Variants in MPI observed in about 807,000 individuals in gnomAD.
The protein encoded by MPI is mannose-6-phosphate isomerase.
A neutral mutation model predicts 40.1 loss-of-function variants in MPI; 33 were observed. The ratio of observed to expected loss-of-function variants is 0.82; its 90% confidence interval spans 0.62 to 1.10. The LOEUF (loss-of-function observed/expected upper bound fraction) is 1.10, where lower values mean the gene tolerates loss of function less well. Ranked by LOEUF, MPI falls within the 50% of genes least tolerant of loss-of-function variation. The pLI is 0.00. For missense variants in MPI, 514 were observed against 524.1 expected, an observed-to-expected ratio of 0.98 and a Z score of 0.19; for synonymous variants, 187 against 207.4, an observed-to-expected ratio of 0.90 and a Z score of 0.85.
rs1407628616 is a variant in MPI at position 74,898,465 on chromosome 15, G to A, written c.*735G>A. On this transcript the variant is annotated 3_prime_UTR_variant, in exon 8 of 8. Coordinates refer to ENST00000352410, the MANE Select transcript of MPI (RefSeq NM_002435.3). ...TTGGGTCTGCCCAGAGGCACAGCTT[G>A]CAAGCAGCCCTACAGAGAAGGTGAC... The A allele has an allele frequency of 6.2e-6, 1 of 160,038 alleles. No individual in the cohort carries two copies. The highest frequency in any genetic ancestry group is 1.4e-5 in the Non-Finnish European group (1 of 71,912). The allele number at this position is 160,038 out of a possible 1,614,324, so 9.9% of individuals were successfully genotyped here. A position where few individuals can be genotyped will look rare whatever the true frequency, so the allele number is the denominator to read the frequency against.
chr15:74,894,078 G>GTTTTC (rs2064772474), intron 5 of MPI, among the ~76,000 whole-genome samples: 1 of 61,002 alleles, frequency 1.6e-5, no homozygotes, highest in African/African-American at 6.7e-5. Flanking sequence ...GTGTGTGTGT[G>GTTTTC]TGTGTGTGTG....
chr15:74,893,231 T>C lies in MPI; in HGVS notation c.581T>C (p.Leu194Pro). Reference sequence around the variant, plus strand: ...GACTCCCAGGCTGTGGCCTCCTCTCTGCAGAGCTGTTTCTCCCACCTGATG... The same window carrying C: ...GACTCCCAGGCTGTGGCCTCCTCTCCGCAGAGCTGTTTCTCCCACCTGATG... ...SHDSQAVASSLQSCFSHLMKS... is the reference protein window; with the variant it reads ...SHDSQAVASSPQSCFSHLMKS... The change falls in exon 5 of 8, where the codon CTG becomes CCG. Residue 194 changes from leucine to proline, a missense_variant. By Grantham distance (98) the Leu-to-Pro change is moderately conservative. Coordinates refer to ENST00000352410, the MANE Select transcript of MPI (RefSeq NM_002435.3). 6.2e-7 allele frequency: 1 copy of C among 1,614,204 alleles called. No homozygotes were observed. Among genetic ancestry groups the C allele is most frequent in the African/African-American group, 1.3e-5 (1 of 75,054 alleles).
chr15:74,897,603 C>G lies in MPI; in HGVS notation c.1145C>G (p.Pro382Arg). ...CAGGGGACAGTAATAGCCAGCACAC[C>G]CACAACCCAGACACCAATCCCTCTG... Reference protein sequence around the residue: ...MVQGTVIASTPTTQTPIPLQR... With the variant: ...MVQGTVIASTRTTQTPIPLQR... The change falls in exon 8 of 8, where the codon CCC (proline) becomes CGC (arginine). Residue 382 changes from proline to arginine, a missense_variant. Coordinates refer to ENST00000352410, the MANE Select transcript of MPI (RefSeq NM_002435.3). 2 of 1,614,198 alleles carry G rather than the reference C, an allele frequency of 1.2e-6. No individual in the cohort carries two copies. The highest frequency in any genetic ancestry group is 2.2e-5 in the South Asian group (2 of 91,084).
chr15:74,898,064 G>A lies in MPI; in HGVS notation c.*334G>A, dbSNP rs926502459. On this transcript the variant is annotated 3_prime_UTR_variant, in exon 8 of 8. Transcript: ENST00000352410. ...AAATATGTGACCCAGCATTAGCTCAGCATCTGTCAGAGCAAGAGACCAGGT... is the reference window on the plus strand; with the variant it reads ...AAATATGTGACCCAGCATTAGCTCAACATCTGTCAGAGCAAGAGACCAGGT... The A allele has an allele frequency of 8.7e-5, 35 of 402,586 alleles. No homozygotes were observed. The highest frequency in any genetic ancestry group is 7.9e-4 in the Middle Eastern group (1 of 1,262). 24.9% of individuals were successfully genotyped at this position (402,586 alleles called of 1,614,324 possible).
At chr15:74,897,254 G>A in intron 7 of MPI, 35 bp downstream of exon 7, 1 of 1,605,786 alleles carries the variant, frequency 6.2e-7, no homozygotes, top group African/African-American at 1.3e-5. Flanking sequence ...TCCTTCGTGT[G>A]CCATGAAAAT....
At chr15:74,892,197 TTGGCCAGGCTGGTCTTGAACTCC>T (rs1309473358) in intron 3 of MPI, among the ~76,000 whole-genome samples, 2 of 152,184 alleles carry the variant, frequency 1.3e-5, no homozygotes, top group African/African-American at 4.8e-5. Context: ...TTTCACCATG[TTGGCCAGGCTGGTCTTGAACTCC>T]TGCCCTCGTA....
chr15:74,896,159 C>T lies in MPI; in HGVS notation c.678C>T (p.Ala226=), dbSNP rs199972529. 6.2e-6 allele frequency: 10 copies of T among 1,613,888 alleles called. No homozygotes were observed. Among genetic ancestry groups the T allele is most frequent in the South Asian group, 4.4e-5 (4 of 91,072 alleles). ...GTGCTCTGTGACCCTCAGCGGCTGCCGGAAACAACATGGAGGACATCTTTG... is the reference window on the plus strand; with the variant it reads ...GTGCTCTGTGACCCTCAGCGGCTGCTGGAAACAACATGGAGGACATCTTTG... ...LVKRISQQAA[A]GNNMEDIFGE... is the part of the protein sequence containing the mutation. The change falls in exon 6 of 8, where the codon GCC becomes GCT. Residue 226 remains alanine, a synonymous_variant. Transcript: ENST00000352410.
chr15:74,897,244 T>C, intron 7 of MPI, 25 bp downstream of exon 7: 1 of 1,608,174 alleles, frequency 6.2e-7, no homozygotes. Context: ...ATGATGGGTG[T>C]CCTTCGTGTG....
rs2064860748 is a variant in MPI at position 74,898,655 on chromosome 15, AG to A, written c.*926del. 6.6e-6 allele frequency: 1 copy of A among 151,796 alleles called. No individual in the cohort carries two copies. The highest frequency in any genetic ancestry group is 2.1e-4 in the South Asian group (1 of 4,824). 9.4% of individuals were successfully genotyped at this position (151,796 alleles called of 1,614,324 possible). On this transcript the variant is annotated 3_prime_UTR_variant, in exon 8 of 8. Transcript: ENST00000352410. ...CGGGTTCACGCCACTCTTCTGCCTC[AG>A]CCTCCCAAGTAGCTGGGACCACAGG... is the stretch of plus-strand genomic sequence containing the variant.
intron 5 of MPI, among the ~76,000 whole-genome samples, chr15:74,894,375 C>T (rs1028465562): frequency 2.6e-5 from 4 of 151,598 alleles, no homozygotes; most frequent in Non-Finnish European, 2.9e-5. Flanking sequence ...TGAGCCACCA[C>T]GCCAGGCCCC....
rs566791375 is a variant in MPI, at chr15:74,893,488, G to T, written c.670+168G>T. 349 of 737,114 alleles carry T rather than the reference G, an allele frequency of 4.7e-4. 5 individuals carry two copies. The highest frequency in any genetic ancestry group is 3.6e-3 in the South Asian group (247 of 67,826). 45.7% of individuals were successfully genotyped at this position (737,114 alleles called of 1,614,324 possible). ...TAGCATTGCTTGCCTAGTCTTTGTG[G>T]AGCAGGGCCCTTCTTAGTTGAGTGC... On this transcript the variant is annotated intron_variant, in intron 5 of 7. Transcript: ENST00000352410.
rs1044350502 is a variant in MPI, at chr15:74,900,470, CA to C, written c.*2742del. The C allele has an allele frequency of 2.0e-5, 3 of 152,338 alleles. No homozygotes were observed. The highest frequency in any genetic ancestry group is 2.0e-4 in the Admixed American group (3 of 15,286). 9.4% of individuals were successfully genotyped at this position (152,338 alleles called of 1,614,324 possible). A position where few individuals can be genotyped will look rare whatever the true frequency, so the allele number is the denominator to read the frequency against. ...GGCCATTCTGCCCTGACCACCTCCC[CA>C]ACAGAGATGTAGGTCTATACTTACC... On this transcript the variant is annotated 3_prime_UTR_variant, in exon 8 of 8. Transcript: ENST00000352410.
rs1032888820 is a variant in MPI at position 74,898,184 on chromosome 15, T to G, written c.*454T>G. 6.4e-6 allele frequency: 2 copies of G among 311,594 alleles called. No individual in the cohort carries two copies. Among genetic ancestry groups the G allele is most frequent in the African/African-American group, 4.3e-5 (2 of 46,378 alleles). 19.3% of individuals were successfully genotyped at this position (311,594 alleles called of 1,614,324 possible). On this transcript the variant is annotated 3_prime_UTR_variant, in exon 8 of 8. Transcript: ENST00000352410. Reference sequence around the variant, plus strand: ...GGTAGGCCTGTAGACTAACGCTGTTTACACCCTTGTTCTGTCAAAGCAATT... The same window carrying G: ...GGTAGGCCTGTAGACTAACGCTGTTGACACCCTTGTTCTGTCAAAGCAATT...
At chr15:74,893,074 C>G in intron 4 of MPI, 64 bp from the exon 5 acceptor site, 2 of 1,593,324 alleles carry the variant, frequency 1.3e-6, no homozygotes, top group Non-Finnish European at 8.6e-7. Flanking sequence ...TCCTCCAACT[C>G]CCCACTTGTG....
In MPI at chr15:74,898,106, G is replaced by A; in HGVS notation, c.*376G>A. 2.7e-6 allele frequency: 1 copy of A among 367,592 alleles called. No individual in the cohort carries two copies. Among genetic ancestry groups the A allele is most frequent in the East Asian group, 6.9e-5 (1 of 14,530 alleles). The allele number at this position is 367,592 out of a possible 1,614,324, so 22.8% of individuals were successfully genotyped here. A position where few individuals can be genotyped will look rare whatever the true frequency, so the allele number is the denominator to read the frequency against. On this transcript the variant is annotated 3_prime_UTR_variant, in exon 8 of 8. Coordinates refer to ENST00000352410, the MANE Select transcript of MPI (RefSeq NM_002435.3). ...AGACCAGGTAATTTCTAAGAACAGG[G>A]TTCTAGCGATGGGACTGCCCATTTC...
intron 5 of MPI, among the ~76,000 whole-genome samples, chr15:74,895,277 G>C (rs1295319675): frequency 6.6e-6 from 1 of 150,608 alleles, no homozygotes; most frequent in Non-Finnish European, 1.5e-5. Flanking sequence ...GCCCAGCTGA[G>C]ACACAGAACT....
intron 5 of MPI, chr15:74,895,671 C>G (rs1425394079): frequency 1.2e-5 from 2 of 160,124 alleles, no homozygotes; most frequent in African/African-American, 4.8e-5. Context: ...ATTTTGAGCT[C>G]CAAGGGCAGT....
At chr15:74,893,374 G>A in intron 5 of MPI, 54 bp downstream of exon 5, 1 of 1,594,622 alleles carries the variant, frequency 6.3e-7, no homozygotes, top group Non-Finnish European at 8.6e-7. Flanking sequence ...GGGCTTCCCA[G>A]CAGACACCAG....
rs145431554 is a variant in MPI at position 74,897,216 on chromosome 15, G to A, written c.1050G>A (p.Thr350=). The A allele has an allele frequency of 5.1e-5, 82 of 1,613,894 alleles. No homozygotes were observed. The African/African-American group carries it at 7.1e-4, about 14-fold the overall frequency. ...TACCAGACTTCACCATTATGAAGAC[G>A]GAGGTGAGTGAGGGGCTATGATGGG... ...PPVPDFTIMK[T]EVPGSVTEYK... is the part of the protein sequence containing the mutation. Residue 350 remains threonine, a synonymous_variant, in exon 7 of 8, where the codon ACG becomes ACA. Transcript: ENST00000352410.
Sources: gnomAD v4.1 joint callset for allele counts (sites outside exome capture counted in the v4.1 genomes callset) on GRCh38, gnomAD v4.1.1 for gene constraint, MANE v1.5 for transcripts, NCBI Gene and HGNC (gene_info 2026-07-23, HGNC 2026-07-21) for gene names.